The following AUH variants were observed in gnomAD, a reference collection of about 807,000 sequenced individuals.
The protein encoded by AUH is AU RNA binding methylglutaconyl-CoA hydratase.
A neutral mutation model predicts 42.3 loss-of-function variants in AUH; 29 were observed. The ratio of observed to expected loss-of-function variants is 0.69; its 90% CI spans 0.51 to 0.93. The LOEUF (loss-of-function observed/expected upper bound fraction) is 0.93. Ranked by LOEUF, AUH falls within the 40% of genes least tolerant of loss-of-function variation. The probability of loss-of-function intolerance (pLI) is 0.00; values close to 1 mark genes in which losing one functional copy is unlikely to be tolerated. For synonymous variants in AUH, 174 were observed against 166.4 expected, an observed-to-expected ratio of 1.05 and a Z score of -0.35; for missense variants, 452 against 438.1, an observed-to-expected ratio of 1.03 and a Z score of -0.28.
intron 6 of AUH, among the ~76,000 whole-genome samples, chr9:91,255,794 G>C (rs1829375718): frequency 6.6e-6 from 1 of 152,080 alleles, no homozygotes; most frequent in African/African-American, 2.4e-5. Flanking sequence ...ACAGCAAAGT[G>C]ATCATTTAGA....
chr9:91,218,412 T>C (rs1183442767), intron 7 of AUH: 1 of 164,784 alleles, frequency 6.1e-6, no homozygotes, highest in African/African-American at 2.4e-5. Flanking sequence ...CCTCTAATTT[T>C]TCCATTTTCA....
At chr9:91,259,784 C>T (rs1829611677) in intron 6 of AUH, among the ~76,000 whole-genome samples, 1 of 152,056 alleles carries the variant, frequency 6.6e-6, no homozygotes, top group Admixed American at 6.6e-5. Flanking sequence ...CCACTGGTGT[C>T]AGAGAATATA....
intron 6 of AUH, among the ~76,000 whole-genome samples, chr9:91,295,660 C>T (rs1464531618): frequency 6.6e-6 from 1 of 152,186 alleles, no homozygotes; most frequent in Non-Finnish European, 1.5e-5. Flanking sequence ...TTTGAAGGCT[C>T]AGGTGACCAT....
chr9:91,332,092 A>G (rs769873330), intron 3 of AUH, among the ~76,000 whole-genome samples: 5 of 152,350 alleles, frequency 3.3e-5, no homozygotes, highest in Middle Eastern at 3.4e-3. Flanking sequence ...AAAGATTTCA[A>G]TGTACTATGA....
chr9:91,361,602 G>C (rs926587159), intron 1 of AUH, 26 bp downstream of exon 1: 1 of 1,567,084 alleles, frequency 6.4e-7, no homozygotes, highest in Non-Finnish European at 8.6e-7. Flanking sequence ...CCGCTGCCCC[G>C]CGCCTGCCCA....
Position 91,214,333 on chromosome 9 carries a change from GA to G in AUH, c.*14del, listed in dbSNP as rs760844017. On this transcript the variant is annotated 3_prime_UTR_variant, in exon 10 of 10. Coordinates refer to ENST00000375731, the MANE Select transcript of AUH (RefSeq NM_001698.3). ...TACATTTATTACATTGGCATCTTAA[GA>G]ATTTCTGTTCCTTTTATTCTCCTTT... is the stretch of plus-strand genomic sequence containing the variant. The G allele has an allele frequency of 1.5e-5, 24 of 1,594,244 alleles. No individual in the cohort carries two copies. In the South Asian group the frequency reaches 2.6e-4, roughly 17 times the overall value.
chr9:91,296,005 C>T lies in AUH; in HGVS notation c.655+16G>A, dbSNP rs376685794. The T allele has an allele frequency of 2.5e-5, 40 of 1,613,536 alleles. No individual in the cohort carries two copies. The highest frequency in any genetic ancestry group is 9.9e-5 in the South Asian group (9 of 91,080). On this transcript the variant is annotated intron_variant, in intron 6 of 9. Coordinates refer to ENST00000375731, the MANE Select transcript of AUH (RefSeq NM_001698.3). ...CCAAATCAAGGATTTGAGGAATGGGCGTGAACTACTCATACCTCCACCAGG... is the reference window on the plus strand; with the variant it reads ...CCAAATCAAGGATTTGAGGAATGGGTGTGAACTACTCATACCTCCACCAGG...
intron 6 of AUH, among the ~76,000 whole-genome samples, chr9:91,286,889 T>C (rs1007094235): frequency 2.6e-5 from 4 of 152,086 alleles, no homozygotes; most frequent in African/African-American, 9.7e-5. Flanking sequence ...CAGGTAATGA[T>C]AACATATTAT....
intron 6 of AUH, among the ~76,000 whole-genome samples, chr9:91,239,156 G>GTT (rs35479845): frequency 0.12 from 18,106 of 145,546 alleles, 1,553 homozygotes; most frequent in African/African-American, 0.25. Flanking sequence ...TTTTTGTTCT[G>GTT]TTTTTTTTTT....
At chr9:91,277,329 ACTC>A (rs996098544) in intron 6 of AUH, among the ~76,000 whole-genome samples, 14 of 152,184 alleles carry the variant, frequency 9.2e-5, no homozygotes, top group African/African-American at 3.4e-4. Context: ...GAAAAGCTAG[ACTC>A]TGTCAACAAT....
intron 8 of AUH, among the ~76,000 whole-genome samples, chr9:91,216,854 G>C (rs1587612168): frequency 1.3e-5 from 2 of 152,326 alleles, no homozygotes; most frequent in South Asian, 4.1e-4. Context: ...CATTGCGTGT[G>C]CCTCCTTGTA....
intron 4 of AUH, among the ~76,000 whole-genome samples, chr9:91,308,268 G>A (rs1828384992): frequency 6.6e-6 from 1 of 152,220 alleles, no homozygotes; most frequent in South Asian, 2.1e-4. Context: ...GACTGGGGCA[G>A]GAGGATCATT....
At chr9:91,301,144 A>G (rs1030362688) in intron 4 of AUH, among the ~76,000 whole-genome samples, 2 of 152,218 alleles carry the variant, frequency 1.3e-5, no homozygotes. Flanking sequence ...GGAGCTAAAG[A>G]AAAGAAAAAT....
intron 6 of AUH, among the ~76,000 whole-genome samples, chr9:91,274,289 C>T (rs1361262282): frequency 2.0e-5 from 3 of 152,136 alleles, no homozygotes; most frequent in Non-Finnish European, 4.4e-5. Flanking sequence ...GAGCAATGGG[C>T]TAGATACTGT....
intron 7 of AUH, among the ~76,000 whole-genome samples, chr9:91,218,312 G>GAT (rs1474803680): frequency 6.6e-6 from 1 of 152,124 alleles, no homozygotes; most frequent in Non-Finnish European, 1.5e-5. Context: ...ATATCTTATT[G>GAT]ATAATTCTTC....
intron 6 of AUH, among the ~76,000 whole-genome samples, chr9:91,253,220 C>T (rs1282735494): frequency 6.6e-6 from 1 of 152,138 alleles, no homozygotes; most frequent in Non-Finnish European, 1.5e-5. Flanking sequence ...TACTAGTTAC[C>T]ATTCTAATGT....
At chr9:91,304,463 T>A (rs556065919) in intron 4 of AUH, among the ~76,000 whole-genome samples, 1 of 152,218 alleles carries the variant, frequency 6.6e-6, no homozygotes, top group South Asian at 2.1e-4. Flanking sequence ...AGTAAGACCA[T>A]GAGTGGCAAC....
At chr9:91,223,439 G>A (rs1214407226) in intron 6 of AUH, among the ~76,000 whole-genome samples, 7 of 152,014 alleles carry the variant, frequency 4.6e-5, no homozygotes, top group Admixed American at 2.0e-4. Flanking sequence ...TCCATTGTAC[G>A]TATATACCAC....
chr9:91,214,415 G>T lies in AUH; in HGVS notation c.953C>A (p.Thr318Lys). The T allele has an allele frequency of 6.2e-7, 1 of 1,607,870 alleles. No individual in the cohort carries two copies. Among genetic ancestry groups the T allele is most frequent in the Non-Finnish European group, 8.5e-7 (1 of 1,176,802 alleles). Residue 318 changes from threonine (T) to lysine (K), a missense_variant, in exon 10 of 10, where the codon ACA (threonine) becomes AAA (lysine). Coordinates refer to ENST00000375731, the MANE Select transcript of AUH (RefSeq NM_001698.3). Reference protein sequence around the residue: ...EEACYAQTIPTKDRLEGLLAF... With the variant: ...EEACYAQTIPKKDRLEGLLAF... ...AAGAAGACCTTCAAGTCTGTCTTTT[G>T]TTGGAATGGTCTAAGAAAAACAAAA...
Sources: allele counts gnomAD v4.1 joint callset (sites outside exome capture counted in the v4.1 genomes callset), GRCh38; gene constraint gnomAD v4.1.1; transcripts MANE v1.5; gene names NCBI Gene and HGNC (gene_info 2026-07-23, HGNC 2026-07-21).